Variants in PTGES3L observed in about 807,000 individuals in gnomAD.
PTGES3L encodes the protein prostaglandin E synthase 3 like, also known as putative protein PTGES3L.
In PTGES3L, 17 loss-of-function variants were observed where a neutral mutation model predicts 25.0. That is an observed-to-expected ratio of 0.68 (90% CI 0.47 to 1.02). PTGES3L has a LOEUF of 1.02. Among genes scored for constraint, PTGES3L ranks in the 50% least tolerant of loss-of-function variants. The pLI, the probability that PTGES3L is intolerant of heterozygous loss-of-function variation, is 0.00. For synonymous variants in PTGES3L, 59 were observed against 65.7 expected (o/e 0.90, Z 0.50); for missense variants, 202 against 197.5 (o/e 1.02, Z -0.14).
rs2049968920 is a variant in PTGES3L at position 42,977,154 on chromosome 17, G to A, written c.288+2016C>T. ...AAAAATACAAAAAATTACCAGGTGC[G>A]GTGGCTTACACCTGTAATCCCAGCA... is the stretch of plus-strand genomic sequence containing the variant. On this transcript the variant is annotated intron_variant, in intron 4 of 6. Transcript: ENST00000591916. 5.3e-5 allele frequency among the ~76,000 whole-genome samples: 8 copies of A among 152,158 alleles called. No homozygotes were observed. In the Middle Eastern group the frequency reaches 0.014, roughly 259 times the overall value.
intron 4 of PTGES3L, chr17:42,972,187 C>CAAAAAAA (rs10598383): frequency 1.8e-5 from 1 of 55,014 alleles, no homozygotes; most frequent in Non-Finnish European, 3.6e-5. Context: ...GACTGCATCT[C>CAAAAAAA]AAAAAAAAAA....
chr17:42,973,337 G>A (rs1348803574), intron 4 of PTGES3L, among the ~76,000 whole-genome samples: 15 of 113,630 alleles, frequency 1.3e-4, no homozygotes, highest in East Asian at 2.7e-4. Context: ...GAGCCCCTCC[G>A]CCCGGCCAGC....
chr17:42,970,595 T>C lies in PTGES3L; in HGVS notation c.379-253A>G, dbSNP rs1161953858. On this transcript the variant is annotated intron_variant, in intron 5 of 6. Coordinates refer to ENST00000591916, the MANE Select transcript of PTGES3L (RefSeq NM_001261430.2). ...AAATAATATAACGACAGTGTGTGAT[T>C]TACTGGGGGCCAATTATTTATGATG... is the stretch of plus-strand genomic sequence containing the variant. Among the ~76,000 whole-genome samples the C allele has an allele frequency of 5.3e-5, 8 of 152,000 alleles. No individual in the cohort carries two copies. In the East Asian group the frequency reaches 1.5e-3, roughly 29 times the overall value.
Position 42,969,039 on chromosome 17 carries a change from CAGA to C in PTGES3L, c.*106_*108del. 1.3e-6 allele frequency: 1 copy of C among 787,456 alleles called. No individual in the cohort carries two copies. Among genetic ancestry groups the C allele is most frequent in the South Asian group, 1.6e-5 (1 of 61,810 alleles). The allele number at this position is 787,456 out of a possible 1,614,324, so 48.8% of individuals were successfully genotyped here. A position where few individuals can be genotyped will look rare whatever the true frequency, so the allele number is the denominator to read the frequency against. Reference sequence around the variant, plus strand: ...AGCTTCTAGGAAAGTTCAGAGATCTCAGAAGAACTTGGTGCACAGCCAAAGCGC... The same window carrying C: ...AGCTTCTAGGAAAGTTCAGAGATCTCAGAACTTGGTGCACAGCCAAAGCGC... On this transcript the variant is annotated 3_prime_UTR_variant, in exon 7 of 7. Transcript: ENST00000591916.
At position 42,968,120 on chromosome 17, in the gene PTGES3L, TTTTG is replaced by T. The variant is rs1261530562; in HGVS notation, c.*1024_*1027del. On this transcript the variant is annotated 3_prime_UTR_variant, in exon 7 of 7. Coordinates refer to ENST00000591916, the MANE Select transcript of PTGES3L (RefSeq NM_001261430.2). The stretch of plus-strand genomic sequence containing the variant: ...GCAAAGTCTATAGGCAATGCATTTA[TTTTG>T]TTTAAGTTACAGTCAACTGTACATA... 1.3e-5 allele frequency: 2 copies of T among 152,216 alleles called. No individual in the cohort carries two copies. The highest frequency in any genetic ancestry group is 1.5e-5 in the Non-Finnish European group (1 of 68,042). 9.4% of individuals were successfully genotyped at this position (152,216 alleles called of 1,614,324 possible).
At chr17:42,979,980 A>G in intron 1 of PTGES3L, 66 bp downstream of exon 1, 1 of 1,499,800 alleles carries the variant, frequency 6.7e-7, no homozygotes, top group East Asian at 2.5e-5. Context: ...GAGCGCCCAG[A>G]AGACTTGGAG....
chr17:42,978,438 G>T (rs1352987245), intron 4 of PTGES3L, among the ~76,000 whole-genome samples: 1 of 152,048 alleles, frequency 6.6e-6, no homozygotes, highest in Non-Finnish European at 1.5e-5. Context: ...AGAATCAAAG[G>T]TTTTGATTGT....
Position 42,979,164 on chromosome 17 carries a change from A to G in PTGES3L, c.288+6T>C. On this transcript the variant is annotated splice_donor_region_variant and intron_variant, in intron 4 of 6. Coordinates refer to ENST00000591916, the MANE Select transcript of PTGES3L (RefSeq NM_001261430.2). ...AGAAGAAGCAGGCCACTTTCCACACACCCACCTTGATATCCTCCTTGGTAA... is the reference window on the plus strand; with the variant it reads ...AGAAGAAGCAGGCCACTTTCCACACGCCCACCTTGATATCCTCCTTGGTAA... 1 of 1,614,102 alleles carries G rather than the reference A, an allele frequency of 6.2e-7. No homozygotes were observed. The highest frequency in any genetic ancestry group is 1.1e-5 in the South Asian group (1 of 91,086).
intron 4 of PTGES3L, chr17:42,971,905 T>G: frequency 1.9e-6 from 1 of 529,592 alleles, no homozygotes; most frequent in Non-Finnish European, 3.4e-6. Context: ...AGTCCTACCC[T>G]CCGGCCAGGC....
chr17:42,971,799 T>C, intron 4 of PTGES3L, 103 bp from the exon 5 acceptor site: 1 of 1,117,834 alleles, frequency 8.9e-7, no homozygotes, highest in South Asian at 1.3e-5. Context: ...GAAAAGAGGG[T>C]CAGTAGGTCC....
chr17:42,972,931 G>A (rs367721389), intron 4 of PTGES3L, among the ~76,000 whole-genome samples: 6 of 147,250 alleles, frequency 4.1e-5, no homozygotes, highest in Middle Eastern at 3.6e-3. Context: ...GTCTCTGCCC[G>A]GCCACCCATC....
intron 4 of PTGES3L, among the ~76,000 whole-genome samples, chr17:42,978,224 T>C (rs896220691): frequency 1.3e-5 from 2 of 151,128 alleles, no homozygotes; most frequent in African/African-American, 4.9e-5. Context: ...CTGACCAATA[T>C]GGTGAAACCC....
intron 4 of PTGES3L, among the ~76,000 whole-genome samples, chr17:42,975,277 A>G (rs1406755628): frequency 6.6e-6 from 1 of 152,162 alleles, no homozygotes; most frequent in East Asian, 1.9e-4. Flanking sequence ...TGGGAACCCC[A>G]AAAGGAGTCA....
intron 4 of PTGES3L, chr17:42,971,974 G>T: frequency 2.9e-6 from 1 of 343,676 alleles, no homozygotes. Context: ...AGGATCACAA[G>T]GTCAGGAGTT....
intron 4 of PTGES3L, among the ~76,000 whole-genome samples, chr17:42,976,510 C>G (rs971956383): frequency 5.3e-5 from 8 of 152,088 alleles, no homozygotes; most frequent in African/African-American, 1.9e-4. Context: ...TCCTGAATAG[C>G]TAGGACTACA....
intron 4 of PTGES3L, among the ~76,000 whole-genome samples, chr17:42,972,662 C>G (rs1183010423): frequency 6.6e-6 from 1 of 152,136 alleles, no homozygotes; most frequent in Non-Finnish European, 1.5e-5. Context: ...GGCATGATCT[C>G]GGCTCGCTAC....
At chr17:42,980,024 C>A in intron 1 of PTGES3L, 22 bp downstream of exon 1, 1 of 1,545,678 alleles carries the variant, frequency 6.5e-7, no homozygotes, top group Non-Finnish European at 8.7e-7. Context: ...CCAGGGGGAG[C>A]ACCGGAGCCG....
At chr17:42,977,677 GAGAGAGAAAGAAAGAAAAGAAAGAA>G (rs2049982606) in intron 4 of PTGES3L, among the ~76,000 whole-genome samples, 2 of 130,132 alleles carry the variant, frequency 1.5e-5, no homozygotes, top group Admixed American at 7.5e-5. Context: ...GGGAGAGAGA[GAGAGAGAAAGAAAGAAAAGAAAGAA>G]AGAAAGAAAG....
Position 42,979,533 on chromosome 17 carries a change from G to A in PTGES3L, c.122+17C>T, listed in dbSNP as rs2050034443. ...AGATTCCTGGGAAGCCAGGCCCTCG[G>A]ACGGCAGGGCCACTACCTGAACACA... On this transcript the variant is annotated intron_variant, in intron 2 of 6. Transcript: ENST00000591916. 6 of 1,614,026 alleles carry A rather than the reference G, an allele frequency of 3.7e-6. No individual in the cohort carries two copies. Among genetic ancestry groups the A allele is most frequent in the Non-Finnish European group, 8.5e-7 (1 of 1,179,996 alleles).
Sources: allele counts gnomAD v4.1 joint callset (sites outside exome capture counted in the v4.1 genomes callset), GRCh38; gene constraint gnomAD v4.1.1; transcripts MANE v1.5; gene names NCBI Gene and HGNC (gene_info 2026-07-23, HGNC 2026-07-21).